SLC25A23: variants seen among roughly 807,000 people sequenced by gnomAD.
SLC25A23 encodes the protein mitochondrial adenyl nucleotide antiporter SLC25A23.
A neutral mutation model predicts 53.9 loss-of-function variants in SLC25A23; 32 were observed. The observed-to-expected ratio is 0.59, with a 90% CI of 0.45 to 0.80. SLC25A23 has a LOEUF of 0.80. Ranked by LOEUF, SLC25A23 falls within the 30% of genes least tolerant of loss-of-function variation. SLC25A23 has a pLI of 0.00. For synonymous variants in SLC25A23, 275 were observed against 264.5 expected (o/e 1.04, Z -0.38); for missense variants, 575 against 651.4 (o/e 0.88, Z 1.28).
At chr19:6,439,426 C>CACACACACACACACACAG (rs774234682), downstream of SLC25A23, among the ~76,000 whole-genome samples, 1,435 of 150,914 alleles carry the variant, frequency 9.5e-3, 28 homozygotes, top group African/African-American at 0.034. Flanking sequence ...CACACACACA[C>CACACACACACACACACAG]ACACACACAG....
At position 6,448,630 on chromosome 19, in the gene SLC25A23, C is replaced by T. The variant is rs573241245; in HGVS notation, c.1071+3682G>A. On this transcript the variant is annotated intron_variant, in intron 8 of 9. Coordinates refer to ENST00000301454, the MANE Select transcript of SLC25A23 (RefSeq NM_024103.3). ...GGATTACAGGTGCCCACCACCACGC[C>T]CAGCTATTTTTTGTATTTTTAGTAG... is the stretch of plus-strand genomic sequence containing the variant. Among the ~76,000 whole-genome samples the T allele has an allele frequency of 1.7e-3, 256 of 151,952 alleles. 2 individuals are homozygous for T. Among genetic ancestry groups the T allele is most frequent in the South Asian group, 9.3e-3 (45 of 4,814 alleles).
chr19:6,455,693 C>A (rs1232366455), intron 4 of SLC25A23, among the ~76,000 whole-genome samples: 2 of 150,404 alleles, frequency 1.3e-5, no homozygotes, highest in African/African-American at 2.5e-5. Flanking sequence ...CCCATTGGAT[C>A]CTCTGAAGAC....
At chr19:6,447,579 T>A (rs949035660) in intron 8 of SLC25A23, among the ~76,000 whole-genome samples, 1 of 151,932 alleles carries the variant, frequency 6.6e-6, no homozygotes, top group Admixed American at 6.6e-5. Flanking sequence ...ACCTCCCAGG[T>A]TCAAGTGATT....
In SLC25A23 at chr19:6,452,376, C is replaced by A; in HGVS notation, c.1007G>T (p.Arg336Leu). 1 of 1,613,644 alleles carries A rather than the reference C, an allele frequency of 6.2e-7. No homozygotes were observed. Among genetic ancestry groups the A allele is most frequent in the Non-Finnish European group, 8.5e-7 (1 of 1,179,864 alleles). Residue 336 changes from arginine (R) to leucine (L), a missense_variant, in exon 8 of 10, where the codon CGC becomes CTC. Physicochemically the swap from Arg to Leu is moderately radical, Grantham distance 102. Coordinates refer to ENST00000301454, the MANE Select transcript of SLC25A23 (RefSeq NM_024103.3). ...LEREGPRAFY[R>L]GYLPNVLGII... is the part of the protein sequence containing the mutation. ...GCCCAGCACGTTGGGGAGGTAGCCG[C>A]GGTAGAAGGCACGGGGCCCCTCCCT...
intron 8 of SLC25A23, among the ~76,000 whole-genome samples, chr19:6,445,139 C>T (rs1048510509): frequency 3.5e-5 from 5 of 144,200 alleles, no homozygotes; most frequent in South Asian, 2.2e-4. Flanking sequence ...GACGGAGTTT[C>T]GTTCTCGTTG....
In SLC25A23 at chr19:6,453,900, T is replaced by C. The variant is rs566976520; in HGVS notation, c.903+81A>G. 1.7e-4 allele frequency: 194 copies of C among 1,123,690 alleles called. No homozygotes were observed. The East Asian group carries it at 4.2e-3, about 25-fold the overall frequency. The allele number at this position is 1,123,690 out of a possible 1,614,324, so 69.6% of individuals were successfully genotyped here. ...GGGACAAAGGTAAAATCCCAATGGA[T>C]ATTGTGAAATGCAGAGTGAGATGGG... On this transcript the variant is annotated intron_variant, in intron 7 of 9. Transcript: ENST00000301454.
rs1347975397 is a variant in SLC25A23 at position 6,444,294 on chromosome 19, T to C, written c.1079A>G (p.Lys360Arg). 1.9e-6 allele frequency: 3 copies of C among 1,607,378 alleles called. 1 individual carries two copies. The highest frequency in any genetic ancestry group is 1.7e-6 in the Non-Finnish European group (2 of 1,177,220). ...GCTGTACTGCTGAAGCCACCAGTTC[T>C]TCAGAGTCTGGAGTGGAGAAGGGAG... The part of the protein sequence containing the change: ...GIDLAVYETL[K>R]NWWLQQYSHD... The change falls in exon 9 of 10, where the codon AAG becomes AGG. Residue 360 changes from lysine (K) to arginine (R), a missense_variant. By Grantham distance (26) the Lys-to-Arg change is conservative (BLOSUM62 2). Transcript: ENST00000301454.
At chr19:6,457,629 G>C (rs771242907) in intron 2 of SLC25A23, 39 bp from the exon 3 acceptor site, 10 of 1,571,572 alleles carry the variant, frequency 6.4e-6, no homozygotes, top group Non-Finnish European at 7.9e-6. Flanking sequence ...ATGTGCGTGT[G>C]AGGACACCTG....
intron 8 of SLC25A23, among the ~76,000 whole-genome samples, chr19:6,446,622 C>A (rs2092508901): frequency 6.6e-6 from 1 of 152,150 alleles, no homozygotes; most frequent in Non-Finnish European, 1.5e-5. Context: ...GGATCAATAC[C>A]CCAGCTCCCT....
chr19:6,442,642 G>A (rs1424752433), intron 9 of SLC25A23, among the ~76,000 whole-genome samples: 3 of 152,090 alleles, frequency 2.0e-5, no homozygotes, highest in Admixed American at 6.6e-5. Flanking sequence ...TCCGCCTCCC[G>A]GGTTCAAGCA....
chr19:6,456,100 G>A, intron 4 of SLC25A23: 1 of 1,394,934 alleles, frequency 7.2e-7, no homozygotes. Flanking sequence ...GAGCTGTGTG[G>A]GTGGAAGGTG....
chr19:6,440,484 A>G lies in SLC25A23; in HGVS notation c.*1491T>C, dbSNP rs1460935540. 6.6e-6 allele frequency: 1 copy of G among 151,246 alleles called. No individual in the cohort carries two copies. The highest frequency in any genetic ancestry group is 2.4e-5 in the African/African-American group (1 of 41,098). 9.4% of individuals were successfully genotyped at this position (151,246 alleles called of 1,614,324 possible). Reference sequence around the variant, plus strand: ...AGTGCTGGGGTGGGGACATCCCTTCATGTGTCCCTGGCCTCAGACTGTCTC... The same window carrying G: ...AGTGCTGGGGTGGGGACATCCCTTCGTGTGTCCCTGGCCTCAGACTGTCTC... On this transcript the variant is annotated 3_prime_UTR_variant, in exon 10 of 10. Transcript: ENST00000301454.
chr19:6,452,854 C>A (rs542561378), intron 7 of SLC25A23, among the ~76,000 whole-genome samples: 1 of 152,274 alleles, frequency 6.6e-6, no homozygotes, highest in African/African-American at 2.4e-5. Context: ...ATGCCCAGAC[C>A]TCCAGTATCT....
rs2092730753 is a variant in SLC25A23, at chr19:6,459,485, G to A, written c.144C>T (p.Pro48=). 1.9e-6 allele frequency: 3 copies of A among 1,590,260 alleles called. No individual in the cohort carries two copies. Among genetic ancestry groups the A allele is most frequent in the Non-Finnish European group, 2.6e-6 (3 of 1,174,808 alleles). The change falls in exon 1 of 10, where the codon CCC becomes CCT. Residue 48 remains proline (P), a synonymous_variant. Transcript: ENST00000301454. This position sits in a 1 kb window ranked among gnomAD's most constrained non-coding sequence, Gnocchi z 4.6. ...LARLGGGNPD[P]GAQQGISSEG... Reference sequence around the variant, plus strand: ...GGGGTGGGGGTACCTGTTGGGCGCCGGGGTCTGGGTTGCCCCCGCCCAGCC... The same window carrying A: ...GGGGTGGGGGTACCTGTTGGGCGCCAGGGTCTGGGTTGCCCCCGCCCAGCC...
intron 8 of SLC25A23, among the ~76,000 whole-genome samples, chr19:6,449,764 G>A (rs188678676): frequency 1.5e-4 from 23 of 151,742 alleles, no homozygotes; most frequent in African/African-American, 5.6e-4. Flanking sequence ...GAACTCCTGG[G>A]CTCAAGCAAT....
rs1303792059 is a variant in SLC25A23, at chr19:6,459,770, T to C, written c.-142A>G. On this transcript the variant is annotated 5_prime_UTR_variant, in exon 1 of 10. Transcript: ENST00000301454. This position sits in a 1 kb window ranked among gnomAD's most constrained non-coding sequence, Gnocchi z 4.6. ...AGCCTCCGCGCAGTCCGCTCGGCTC[T>C]GGCACTTGCGGGAGGTGGTGACGGC... 2 of 658,344 alleles carry C rather than the reference T, an allele frequency of 3.0e-6. No homozygotes were observed. Among genetic ancestry groups the C allele is most frequent in the South Asian group, 1.5e-4 (2 of 13,532 alleles). The allele number at this position is 658,344 out of a possible 1,614,324, so 40.8% of individuals were successfully genotyped here.
intron 8 of SLC25A23, among the ~76,000 whole-genome samples, chr19:6,451,863 CT>C (rs2092597037): frequency 7.2e-6 from 1 of 138,348 alleles, no homozygotes; most frequent in Non-Finnish European, 1.5e-5. Context: ...AGGAGTCTCG[CT>C]CTGTTGCCCA....
At chr19:6,445,990 T>C (rs2092498539) in intron 8 of SLC25A23, among the ~76,000 whole-genome samples, 1 of 152,024 alleles carries the variant, frequency 6.6e-6, no homozygotes, top group Non-Finnish European at 1.5e-5. Context: ...AGTGGGAGGA[T>C]TGCTTGAACC....
chr19:6,438,684 A>C, downstream of SLC25A23: 1 of 214,862 alleles, frequency 4.7e-6, no homozygotes, highest in Non-Finnish European at 1.0e-5. Context: ...CCTGGTCTCT[A>C]CTAAAAATAC....
Sources: gnomAD v4.1 joint callset for allele counts (sites outside exome capture counted in the v4.1 genomes callset) on GRCh38, gnomAD v4.1.1 for gene constraint, Gnocchi (gnomAD v3.1) non-coding constraint, MANE v1.5 for transcripts, NCBI Gene and HGNC (gene_info 2026-07-23, HGNC 2026-07-21) for gene names.